The following PROX2 variants were observed in gnomAD, a reference collection of about 807,000 sequenced individuals.
The protein encoded by PROX2 is prospero homeobox protein 2.
In PROX2, 46 loss-of-function variants were observed where a neutral mutation model predicts 48.9. The observed-to-expected ratio is 0.94, with a 90% CI of 0.74 to 1.20. PROX2 has a LOEUF of 1.20. PROX2 is among the 50% of genes most tolerant of loss of function. PROX2 has a pLI of 0.00. For synonymous variants in PROX2, 260 were observed against 276.6 expected, an observed-to-expected ratio of 0.94 and a Z score of 0.60; for missense variants, 663 against 719.4, an observed-to-expected ratio of 0.92 and a Z score of 0.90.
At chr14:74,857,136 A>G in intron 4 of PROX2, 141 bp from the exon 5 acceptor site, 1 of 633,974 alleles carries the variant, frequency 1.6e-6, no homozygotes, top group Middle Eastern at 3.5e-4. Context: ...AAAAGAAGCG[A>G]AGCCACCGCT....
intron 1 of PROX2, chr14:74,873,988 T>C (rs1231620032): frequency 2.0e-6 from 1 of 504,194 alleles, no homozygotes; most frequent in African/African-American, 2.0e-5. Context: ...TTAACAAATA[T>C]TGACATGGTT....
intron 1 of PROX2, among the ~76,000 whole-genome samples, chr14:74,872,219 T>G (rs1883233125): frequency 6.6e-6 from 1 of 152,262 alleles, no homozygotes; most frequent in Non-Finnish European, 1.5e-5. Context: ...CTCATCACTG[T>G]CATTGAAGCT....
intron 3 of PROX2, chr14:74,858,845 TGTGTGTGTGTGTGTGTG>T (rs2091772213): frequency 1.7e-5 from 1 of 57,704 alleles, no homozygotes; most frequent in African/African-American, 1.0e-4. Context: ...TGGTGTATTG[TGTGTGTGTGTGTGTGTG>T]TGTGTGTGTG....
In PROX2 at chr14:74,863,126, C is replaced by T. The variant is rs533598428; in HGVS notation, c.709G>A (p.Ala237Thr). ...ACCTTTTGTAATACCGAGTCCACAG[C>T]CTGGGACACTGCCCTGGTCAGCTCT... ...RKELTRAVSQAVDSVLQKVLL... is the reference protein window; with the variant it reads ...RKELTRAVSQTVDSVLQKVLL... Residue 237 changes from alanine (A) to threonine (T), a missense_variant, in exon 3 of 6, where the codon GCT (alanine) becomes ACT (threonine). Transcript: ENST00000556489. 1.9e-6 allele frequency: 3 copies of T among 1,614,004 alleles called. No homozygotes were observed. In the East Asian group the frequency reaches 6.7e-5, roughly 36 times the overall value.
chr14:74,858,242 TTA>T, intron 4 of PROX2, 163 bp downstream of exon 4: 1 of 516,374 alleles, frequency 1.9e-6, no homozygotes, highest in African/African-American at 1.9e-5. Context: ...TTATTCACGG[TTA>T]TTTGGGTAGA....
chr14:74,864,448 A>G (rs1259475953), intron 2 of PROX2, among the ~76,000 whole-genome samples: 1 of 152,240 alleles, frequency 6.6e-6, no homozygotes. Context: ...ATGGTCATGC[A>G]GCTCGTAAGT....
At chr14:74,870,057 TAAGTA>T (rs1184388793) in intron 2 of PROX2, among the ~76,000 whole-genome samples, 1 of 152,120 alleles carries the variant, frequency 6.6e-6, no homozygotes, top group Non-Finnish European at 1.5e-5. Flanking sequence ...AAATAGTGTT[TAAGTA>T]AAGTTTATGT....
intron 2 of PROX2, among the ~76,000 whole-genome samples, chr14:74,866,048 A>G: frequency 6.6e-6 from 1 of 152,122 alleles, no homozygotes; most frequent in East Asian, 1.9e-4. Flanking sequence ...CGAGGTCAGG[A>G]GTTCAAGACC....
chr14:74,870,441 T>TACACACACACACACACACACACACACAC (rs10525556), intron 2 of PROX2, among the ~76,000 whole-genome samples: 5 of 110,930 alleles, frequency 4.5e-5, no homozygotes, highest in African/African-American at 1.2e-4. Flanking sequence ...AAAAAAAAAA[T>TACACACACACACACACACACACACACAC]ACACACACAC....
chr14:74,856,672 A>C, intron 5 of PROX2, 129 bp downstream of exon 5: 2 of 721,490 alleles, frequency 2.8e-6, no homozygotes, highest in African/African-American at 1.8e-5. Flanking sequence ...TGGATGATAC[A>C]GAGATTGGCC....
chr14:74,861,876 C>T (rs966738311), intron 3 of PROX2, among the ~76,000 whole-genome samples: 6 of 152,180 alleles, frequency 3.9e-5, no homozygotes, highest in Non-Finnish European at 5.9e-5. Flanking sequence ...CCTTAGATGA[C>T]GTCATTCCTT....
chr14:74,861,746 C>T (rs929208219), intron 3 of PROX2, among the ~76,000 whole-genome samples: 3 of 152,128 alleles, frequency 2.0e-5, no homozygotes, highest in African/African-American at 7.2e-5. Context: ...GGGTTTAATC[C>T]CCGAGGAAAA....
intron 3 of PROX2, chr14:74,861,120 A>C: frequency 1.1e-6 from 1 of 938,554 alleles, no homozygotes; most frequent in Non-Finnish European, 1.5e-6. Context: ...TTTAGGACAC[A>C]AAGGCAGGTT....
intron 2 of PROX2, among the ~76,000 whole-genome samples, chr14:74,869,264 G>C (rs1447202404): frequency 6.6e-6 from 1 of 151,524 alleles, no homozygotes; most frequent in African/African-American, 2.4e-5. Flanking sequence ...AGGAGGGACT[G>C]AAGCAGAACC....
At chr14:74,873,973 T>C in intron 1 of PROX2, 1 of 495,706 alleles carries the variant, frequency 2.0e-6, no homozygotes, top group Non-Finnish European at 4.1e-6. Flanking sequence ...GTGGAAGAGT[T>C]TGAGTTAACA....
chr14:74,857,730 A>C (rs28406581), intron 4 of PROX2: 35,822 of 148,210 alleles, frequency 0.24, 4,482 homozygotes, highest in South Asian at 0.33. Flanking sequence ...CTCCCTCTCT[A>C]TATATATTTT....
intron 1 of PROX2, among the ~76,000 whole-genome samples, chr14:74,873,103 C>G (rs1883253985): frequency 6.6e-6 from 1 of 152,190 alleles, no homozygotes; most frequent in Non-Finnish European, 1.5e-5. Flanking sequence ...CCTGCCTCAG[C>G]CTCCCGAGTA....
Position 74,863,736 on chromosome 14 carries a change from C to T in PROX2, c.99G>A (p.Glu33=), listed in dbSNP as rs777983317. 7 of 1,530,894 alleles carry T rather than the reference C, an allele frequency of 4.6e-6. No individual in the cohort carries two copies. In the African/African-American group the frequency reaches 9.7e-5, roughly 21 times the overall value. The allele number at this position is 1,530,894 out of a possible 1,614,324, so 94.8% of individuals were successfully genotyped here. The change falls in exon 3 of 6, where the codon GAG becomes GAA. Residue 33 remains glutamate, a synonymous_variant. Transcript: ENST00000556489. ...AGGGAAACGGGGAGTCTCTATCCAG[C>T]TCTGGAGGGGATGAGCTTCTCTCGC... ...TEGERSSSPP[E]LDRDSPFPWS... is the part of the protein sequence containing the mutation.
intron 5 of PROX2, chr14:74,855,570 G>A (rs1374454676): frequency 9.4e-6 from 3 of 318,846 alleles, no homozygotes; most frequent in African/African-American, 4.3e-5. Flanking sequence ...GCTAATGGGC[G>A]ACTTTTTAAC....
Sources: gnomAD v4.1 joint callset for allele counts (sites outside exome capture counted in the v4.1 genomes callset) on GRCh38, gnomAD v4.1.1 for gene constraint, MANE v1.5 for transcripts, NCBI Gene and HGNC (gene_info 2026-07-23, HGNC 2026-07-21) for gene names.